The following AMOTL1 variants were observed in gnomAD, a reference collection of about 807,000 sequenced individuals.
AMOTL1 encodes the protein angiomotin-like protein 1.
Under a neutral mutation model 102.9 loss-of-function variants are expected in AMOTL1, and 45 were observed. That is an observed-to-expected ratio of 0.44 (90% CI 0.34 to 0.56). AMOTL1 has a LOEUF of 0.56. Among genes scored for constraint, AMOTL1 ranks in the 20% least tolerant of loss-of-function variants. AMOTL1 has a pLI of 0.01. For missense variants in AMOTL1, 1,114 were observed against 1,225.6 expected (o/e 0.91, Z 1.36); for synonymous variants, 481 against 484.7 (o/e 0.99, Z 0.10).
chr11:94,747,369 G>A (rs1355888962), intron 3 of AMOTL1, among the ~76,000 whole-genome samples: 3 of 152,122 alleles, frequency 2.0e-5, no homozygotes, highest in Non-Finnish European at 4.4e-5. Flanking sequence ...CAGGAGAGGA[G>A]TGTGTCATGA....
rs749068474 is a variant in AMOTL1 at position 94,795,149 on chromosome 11, G to A, written c.188G>A (p.Arg63Lys). ...ALTVEATSSI[R>K]EKVVEDPLCN... ...ACGGTGGAGGCAACCAGTAGCATCA[G>A]GGAAAAAGTTGGTAAGTCCTTTTAC... The change falls in exon 2 of 13, where the codon AGG becomes AAG. Residue 63 changes from arginine (R) to lysine (K), a missense_variant. Arg to Lys is a conservative substitution (Grantham distance 26). Transcript: ENST00000433060. 2 of 1,613,302 alleles carry A rather than the reference G, an allele frequency of 1.2e-6. No homozygotes were observed. The highest frequency in any genetic ancestry group is 1.1e-5 in the South Asian group (1 of 90,864).
intron 1 of AMOTL1, among the ~76,000 whole-genome samples, chr11:94,793,786 A>G (rs779726474): frequency 6.6e-6 from 1 of 152,264 alleles, no homozygotes; most frequent in African/African-American, 2.4e-5. Context: ...ATCTTCATAT[A>G]GTATCATCCG....
In AMOTL1 at chr11:94,842,252, G is replaced by A. The variant is rs115059619; in HGVS notation, c.1649-7862G>A. ...TTATCTTAGATCTTTAGAGTCCTACGAAGATAGAAGGGTTTCGACGCACCG... is the reference window on the plus strand; with the variant it reads ...TTATCTTAGATCTTTAGAGTCCTACAAAGATAGAAGGGTTTCGACGCACCG... On this transcript the variant is annotated intron_variant, in intron 6 of 12. Transcript: ENST00000433060. Among the ~76,000 whole-genome samples the A allele has an allele frequency of 6.9e-3, 1,052 of 152,228 alleles. 14 individuals are homozygous for A. Among genetic ancestry groups the A allele is most frequent in the African/African-American group, 0.024 (999 of 41,506 alleles).
intron 1 of AMOTL1, among the ~76,000 whole-genome samples, chr11:94,713,902 T>C (rs144263497): frequency 2.4e-4 from 36 of 152,138 alleles, no homozygotes; most frequent in African/African-American, 8.4e-4. Flanking sequence ...TTTCTTGCCT[T>C]ATTGCACTGG....
intron 9 of AMOTL1, among the ~76,000 whole-genome samples, chr11:94,861,065 T>A (rs1000584283): frequency 6.6e-6 from 1 of 152,178 alleles, no homozygotes. Flanking sequence ...CAGACCCATG[T>A]GGAAAATGAC....
intron 2 of AMOTL1, among the ~76,000 whole-genome samples, chr11:94,797,432 T>C (rs1235268502): frequency 2.6e-5 from 4 of 152,246 alleles, no homozygotes; most frequent in African/African-American, 4.8e-5. Flanking sequence ...CCCTATGACA[T>C]CCAGGCATTG....
intron 8 of AMOTL1, among the ~76,000 whole-genome samples, chr11:94,856,007 G>A (rs1170315635): frequency 6.6e-6 from 1 of 152,176 alleles, no homozygotes; most frequent in African/African-American, 2.4e-5. Context: ...GGAGGAGACA[G>A]TCTCTAAACA....
intron 3 of AMOTL1, among the ~76,000 whole-genome samples, chr11:94,743,046 G>A (rs1278205546): frequency 2.0e-5 from 3 of 152,164 alleles, no homozygotes; most frequent in Non-Finnish European, 4.4e-5. Flanking sequence ...CTATAGCAGC[G>A]TGATGGGAAC....
At chr11:94,839,975 A>G (rs1952263292) in intron 6 of AMOTL1, among the ~76,000 whole-genome samples, 1 of 152,198 alleles carries the variant, frequency 6.6e-6, no homozygotes, top group African/African-American at 2.4e-5. Context: ...TTTTACATCT[A>G]TGTTTGAACT....
At chr11:94,768,074 A>T (rs1950877603), upstream of AMOTL1, among the ~76,000 whole-genome samples, 1 of 152,208 alleles carries the variant, frequency 6.6e-6, no homozygotes, top group Admixed American at 6.5e-5. Context: ...GACAAAGTGG[A>T]GGGAGAACTG....
At chr11:94,837,565 G>A (rs1952209921) in intron 6 of AMOTL1, among the ~76,000 whole-genome samples, 1 of 152,198 alleles carries the variant, frequency 6.6e-6, no homozygotes, top group South Asian at 2.1e-4. Flanking sequence ...AGGCAGCACT[G>A]AGAAACTTCA....
At chr11:94,753,216 C>T (rs538289480) in intron 3 of AMOTL1, among the ~76,000 whole-genome samples, 3 of 150,870 alleles carry the variant, frequency 2.0e-5, no homozygotes, top group Admixed American at 2.0e-4. Context: ...TGATTAGGAT[C>T]AAAAGAATTA....
intron 1 of AMOTL1, among the ~76,000 whole-genome samples, chr11:94,769,328 C>T (rs1016700335): frequency 6.6e-6 from 1 of 152,182 alleles, no homozygotes; most frequent in Non-Finnish European, 1.5e-5. Flanking sequence ...CCGAGCGGAA[C>T]GGTGGCCTAG....
At chr11:94,718,414 T>C (rs530424069) in intron 1 of AMOTL1, among the ~76,000 whole-genome samples, 2 of 152,194 alleles carry the variant, frequency 1.3e-5, no homozygotes, top group Non-Finnish European at 2.9e-5. Context: ...TTGTAATTGC[T>C]TTCTGTAGAA....
chr11:94,859,634 C>G lies in AMOTL1; in HGVS notation c.2054C>G (p.Thr685Arg). ...ERILALEADM[T>R]KWEQKYLEES... ...ATCCTGGCCCTGGAGGCCGACATGA[C>G]AAAGTGGGAGCAGAAGTACCTGGAG... The change falls in exon 9 of 13, where the codon ACA becomes AGA. Residue 685 changes from threonine to arginine, a missense_variant. Coordinates refer to ENST00000433060, the MANE Select transcript of AMOTL1 (RefSeq NM_130847.3). 1.2e-6 allele frequency: 2 copies of G among 1,613,570 alleles called. No homozygotes were observed. Among genetic ancestry groups the G allele is most frequent in the Non-Finnish European group, 8.5e-7 (1 of 1,179,712 alleles).
At chr11:94,837,138 T>C (rs1272784149) in intron 6 of AMOTL1, among the ~76,000 whole-genome samples, 2 of 152,232 alleles carry the variant, frequency 1.3e-5, no homozygotes, top group Non-Finnish European at 2.9e-5. Context: ...GTTCTAAAAA[T>C]CAAAGTTTTG....
At chr11:94,863,130 G>A (rs1423337225) in intron 9 of AMOTL1, among the ~76,000 whole-genome samples, 1 of 152,062 alleles carries the variant, frequency 6.6e-6, no homozygotes, top group African/African-American at 2.4e-5. Flanking sequence ...TAGAAATTGA[G>A]GATAATAATA....
chr11:94,848,191 C>T (rs1238276228), intron 6 of AMOTL1, among the ~76,000 whole-genome samples: 1 of 152,176 alleles, frequency 6.6e-6, no homozygotes, highest in Non-Finnish European at 1.5e-5. Flanking sequence ...TGGGGACGGG[C>T]AGCGCTAGTG....
chr11:94,826,693 C>T lies in AMOTL1; in HGVS notation c.1414-3357C>T, dbSNP rs191748728. Reference sequence around the variant, plus strand: ...GGCACCAAGCCATTCACAAGGGACCCGCCCCCATGACCCAAACACTTCCCA... The same window carrying T: ...GGCACCAAGCCATTCACAAGGGACCTGCCCCCATGACCCAAACACTTCCCA... On this transcript the variant is annotated intron_variant, in intron 4 of 12. Coordinates refer to ENST00000433060, the MANE Select transcript of AMOTL1 (RefSeq NM_130847.3). Among the ~76,000 whole-genome samples the T allele has an allele frequency of 2.2e-4, 34 of 152,300 alleles. No individual in the cohort carries two copies. The East Asian group carries it at 3.5e-3, about 16-fold the overall frequency.
Sources: gnomAD v4.1 joint callset for allele counts (sites outside exome capture counted in the v4.1 genomes callset) on GRCh38, gnomAD v4.1.1 for gene constraint, MANE v1.5 for transcripts, NCBI Gene and HGNC (gene_info 2026-07-23, HGNC 2026-07-21) for gene names.